INSR: variants seen among roughly 807,000 people sequenced by gnomAD.
INSR encodes insulin receptor.
In INSR, 67 loss-of-function variants were observed where a neutral mutation model predicts 142.6. The observed-to-expected ratio is 0.47, with a 90% CI of 0.39 to 0.58. The LOEUF (loss-of-function observed/expected upper bound fraction) is 0.58, where lower values mean the gene tolerates loss of function less well. Among genes scored for constraint, INSR ranks in the 20% least tolerant of loss-of-function variants. The pLI is 0.00. For synonymous variants in INSR, 756 were observed against 743.1 expected, an observed-to-expected ratio of 1.02 and a Z score of -0.28; for missense variants, 1,248 against 1,833.2, an observed-to-expected ratio of 0.68 and a Z score of 5.83.
intron 11 of INSR, among the ~76,000 whole-genome samples, chr19:7,148,697 C>T (rs1042192034): frequency 1.3e-5 from 2 of 148,406 alleles, no homozygotes; most frequent in East Asian, 4.0e-4. Context: ...AGGCTGGTCT[C>T]GAACTCCTGG....
rs1404926316 is a variant in INSR, at chr19:7,267,029, C to T, written c.652+316G>A. Among the ~76,000 whole-genome samples the T allele has an allele frequency of 6.6e-6, 1 of 152,030 alleles. No homozygotes were observed. The highest frequency in any genetic ancestry group is 1.5e-5 in the Non-Finnish European group (1 of 68,030). On this transcript the variant is annotated intron_variant, in intron 2 of 21. Coordinates refer to ENST00000302850, the MANE Select transcript of INSR (RefSeq NM_000208.4). The surrounding 1 kb of genome is among the most constrained non-coding windows in gnomAD (Gnocchi z 6.3). ...CTGCCCTCGAGCAAAATCCGGCCCA[C>T]GACTTGTTTTTGTAAATAAAGTTTT...
At chr19:7,272,428 G>A (rs774687873) in intron 1 of INSR, among the ~76,000 whole-genome samples, 1 of 151,976 alleles carries the variant, frequency 6.6e-6, no homozygotes. Flanking sequence ...GACCAGCTTG[G>A]CCAACGTGGT....
In INSR at chr19:7,166,370, C is replaced by G. The variant is rs1973889800; in HGVS notation, c.1645G>C (p.Asp549His). 6.2e-7 allele frequency: 1 copy of G among 1,613,944 alleles called. No individual in the cohort carries two copies. Among genetic ancestry groups the G allele is most frequent in the African/African-American group, 1.3e-5 (1 of 74,882 alleles). The change falls in exon 8 of 22, where the codon GAT becomes CAT. Residue 549 changes from aspartate (D) to histidine (H), a missense_variant. Coordinates refer to ENST00000302850, the MANE Select transcript of INSR (RefSeq NM_000208.4). This position sits in a 1 kb window ranked among gnomAD's most constrained non-coding sequence, Gnocchi z 4.1. ...YQNVTEFDGQ[D>H]ACGSNSWTVV... The stretch of plus-strand genomic sequence containing the variant: ...GTCCAACTGTTGGAACCACACGCAT[C>G]CTGCCCGTCGAACTCCGTCACATTC...
chr19:7,185,454 A>G (rs1457653345), intron 2 of INSR, among the ~76,000 whole-genome samples: 1 of 151,726 alleles, frequency 6.6e-6, no homozygotes, highest in African/African-American at 2.4e-5. Flanking sequence ...GCTTGCACTA[A>G]TCTAGATACT....
chr19:7,184,225 T>C, intron 3 of INSR, 91 bp downstream of exon 3: 1 of 1,160,074 alleles, frequency 8.6e-7, no homozygotes, highest in South Asian at 1.3e-5. Flanking sequence ...AACCCTGGGT[T>C]TGCACACAGT....
intron 2 of INSR, among the ~76,000 whole-genome samples, chr19:7,206,780 C>T (rs990313369): frequency 1.3e-5 from 2 of 151,612 alleles, no homozygotes; most frequent in African/African-American, 2.4e-5. Flanking sequence ...CAAAAACAAA[C>T]AAAAAAAGAG....
At chr19:7,222,561 T>C (rs2145103020) in intron 2 of INSR, among the ~76,000 whole-genome samples, 1 of 152,228 alleles carries the variant, frequency 6.6e-6, no homozygotes, top group African/African-American at 2.4e-5. Context: ...AGCTGGCTAA[T>C]TTTTTTATTT....
At chr19:7,234,232 G>C (rs1976087523) in intron 2 of INSR, among the ~76,000 whole-genome samples, 1 of 150,344 alleles carries the variant, frequency 6.7e-6, no homozygotes, top group Non-Finnish European at 1.5e-5. Flanking sequence ...ATGGAAATGG[G>C]GTCTTTCTTT....
chr19:7,132,491 T>A (rs1161208687), intron 13 of INSR, among the ~76,000 whole-genome samples, 174 bp from the exon 14 acceptor site: 1 of 152,126 alleles, frequency 6.6e-6, no homozygotes, highest in Non-Finnish European at 1.5e-5. Context: ...ATAACCATAG[T>A]GCTATGGATA....
intron 3 of INSR, among the ~76,000 whole-genome samples, chr19:7,180,529 C>CAAAAAAAAAAAAAA (rs57184012): frequency 2.2e-5 from 2 of 91,924 alleles, no homozygotes; most frequent in African/African-American, 8.9e-5. Flanking sequence ...GACCTTGTCT[C>CAAAAAAAAAAAAAA]AAAAAAAAAA....
intron 2 of INSR, among the ~76,000 whole-genome samples, chr19:7,244,136 T>C (rs1258598665): frequency 6.6e-6 from 1 of 152,206 alleles, no homozygotes; most frequent in East Asian, 1.9e-4. Context: ...ATGCTATTCA[T>C]AGTAGCCATA....
rs57380348 is a variant in INSR at position 7,184,663 on chromosome 19, GAAATAAATAAATAAAT to G, written c.653-42_653-27del. Reference sequence around the variant, plus strand: ...CTGGAGAGAGAGAGAGAGAGAGAGGGAAATAAATAAATAAATAAATAAATAAATAAATAAATAAATA... The same window carrying G: ...CTGGAGAGAGAGAGAGAGAGAGAGGGAAATAAATAAATAAATAAATAAATA... On this transcript the variant is annotated intron_variant, in intron 2 of 21. Transcript: ENST00000302850. 229 of 962,642 alleles carry G rather than the reference GAAATAAATAAATAAAT, an allele frequency of 2.4e-4. 2 individuals carry two copies. Among genetic ancestry groups the G allele is most frequent in the African/African-American group, 3.9e-4 (21 of 53,966 alleles). 59.6% of individuals were successfully genotyped at this position (962,642 alleles called of 1,614,324 possible).
Position 7,267,391 on chromosome 19 carries a change from G to A in INSR, c.606C>T (p.Asn202=), listed in dbSNP as rs368718319. Residue 202 remains asparagine (N), a synonymous_variant, in exon 2 of 22, where the codon AAC becomes AAT. Coordinates refer to ENST00000302850, the MANE Select transcript of INSR (RefSeq NM_000208.4). The surrounding 1 kb of genome is among the most constrained non-coding windows in gnomAD (Gnocchi z 6.3). The stretch of plus-strand genomic sequence containing the variant: ...TCCAACATCGTTCGACAAACTGCCC[G>A]TTGATGACGGTGGCGGGGCAGTTGG... ...GKTNCPATVI[N]GQFVERCWTH... 26 of 1,614,090 alleles carry A rather than the reference G, an allele frequency of 1.6e-5. No homozygotes were observed. The African/African-American group carries it at 2.5e-4, about 16-fold the overall frequency.
chr19:7,152,976 C>G (rs745834148), intron 9 of INSR, 49 bp from the exon 10 acceptor site: 1 of 1,188,298 alleles, frequency 8.4e-7, no homozygotes, highest in Non-Finnish European at 1.2e-6. Flanking sequence ...CGGCTGAACA[C>G]ACATACACAC....
Position 7,163,168 on chromosome 19 carries a change from C to T in INSR, c.1893G>A (p.Val631=), listed in dbSNP as rs1321962196. ...NPSVPLDPIS[V]SNSSSQIILK... ...GAATAATCTGGGATGATGAGTTAGA[C>T]ACTGAGATTGGATCCAGGGGCACAG... Residue 631 remains valine, a synonymous_variant, in exon 9 of 22, where the codon GTG becomes GTA. Coordinates refer to ENST00000302850, the MANE Select transcript of INSR (RefSeq NM_000208.4). The T allele has an allele frequency of 1.9e-6, 3 of 1,613,620 alleles. No individual in the cohort carries two copies. The highest frequency in any genetic ancestry group is 2.5e-6 in the Non-Finnish European group (3 of 1,179,800).
rs561210549 is a variant in INSR at position 7,198,341 on chromosome 19, G to A, written c.653-13704C>T. ...CGCCGCCGGGCGGTCCCGGCCAGAGGAAAGGGCGCCCTGGGAGGGCCCCTC... is the reference window on the plus strand; with the variant it reads ...CGCCGCCGGGCGGTCCCGGCCAGAGAAAAGGGCGCCCTGGGAGGGCCCCTC... On this transcript the variant is annotated intron_variant, in intron 2 of 21. Coordinates refer to ENST00000302850, the MANE Select transcript of INSR (RefSeq NM_000208.4). Among the ~76,000 whole-genome samples, 453 of 152,188 alleles carry A rather than the reference G, an allele frequency of 3.0e-3. 5 individuals carry two copies. Among genetic ancestry groups the A allele is most frequent in the African/African-American group, 0.011 (438 of 41,556 alleles).
At chr19:7,226,271 A>G (rs113385784) in intron 2 of INSR, among the ~76,000 whole-genome samples, 2,812 of 152,058 alleles carry the variant, frequency 0.018, 91 homozygotes, top group African/African-American at 0.063. Flanking sequence ...TTAGCTGGGC[A>G]TGGTGGCGTG....
At chr19:7,185,326 CAT>C (rs1423294399) in intron 2 of INSR, among the ~76,000 whole-genome samples, 2 of 152,200 alleles carry the variant, frequency 1.3e-5, no homozygotes, top group Non-Finnish European at 2.9e-5. Context: ...CTGCACCCCA[CAT>C]GTGAAGTAGA....
At chr19:7,155,366 G>A (rs1345006593) in intron 9 of INSR, among the ~76,000 whole-genome samples, 1 of 151,722 alleles carries the variant, frequency 6.6e-6, no homozygotes, top group African/African-American at 2.4e-5. Context: ...GTGAAACGCT[G>A]TCTCTACTAA....
Sources: gnomAD v4.1 joint callset for allele counts (sites outside exome capture counted in the v4.1 genomes callset) on GRCh38, gnomAD v4.1.1 for gene constraint, Gnocchi (gnomAD v3.1) non-coding constraint, MANE v1.5 for transcripts, NCBI Gene and HGNC (gene_info 2026-07-23, HGNC 2026-07-21) for gene names.